Variants in GSAP observed in about 807,000 individuals in gnomAD.
GSAP encodes gamma-secretase-activating protein.
Under a neutral mutation model 131.7 loss-of-function variants are expected in GSAP, and 118 were observed. The observed-to-expected ratio is 0.90, with a 90% CI of 0.77 to 1.04. The LOEUF (loss-of-function observed/expected upper bound fraction) is 1.04, where lower values mean the gene tolerates loss of function less well. GSAP is among the 50% of genes least tolerant of loss of function. The pLI is 0.00. For missense variants in GSAP, 1,019 were observed against 1,013.2 expected (o/e 1.01, Z -0.08); for synonymous variants, 381 against 363.4 (o/e 1.05, Z -0.55).
chr7:77,403,569 G>GAA (rs140939312), intron 3 of GSAP, among the ~76,000 whole-genome samples: 1 of 151,834 alleles, frequency 6.6e-6, no homozygotes, highest in African/African-American at 2.4e-5. Context: ...GTAATTTGGG[G>GAA]AAAAAAATAA....
At chr7:77,323,211 C>A (rs1787899000) in intron 24 of GSAP, among the ~76,000 whole-genome samples, 1 of 152,192 alleles carries the variant, frequency 6.6e-6, no homozygotes, top group Non-Finnish European at 1.5e-5. Context: ...ATCTCAGCCT[C>A]ACATGGTAGT....
chr7:77,377,237 T>TAGAA, intron 9 of GSAP, 49 bp downstream of exon 9: 1 of 891,784 alleles, frequency 1.1e-6, no homozygotes, highest in Non-Finnish European at 1.4e-6. Context: ...AATATTTTTG[T>TAGAA]AAAAAAAAAA....
intron 12 of GSAP, among the ~76,000 whole-genome samples, chr7:77,371,012 A>G (rs960876896): frequency 6.6e-6 from 1 of 152,078 alleles, no homozygotes; most frequent in Non-Finnish European, 1.5e-5. Flanking sequence ...GATCTTATTC[A>G]TAAGTGTCCT....
At chr7:77,415,229 T>C (rs1804135751) in intron 1 of GSAP, among the ~76,000 whole-genome samples, 1 of 152,150 alleles carries the variant, frequency 6.6e-6, no homozygotes, top group Admixed American at 6.5e-5. Context: ...AGATAGCAAC[T>C]TGATATATAA....
intron 19 of GSAP, among the ~76,000 whole-genome samples, chr7:77,335,266 TG>T (rs1371404826): frequency 1.3e-5 from 2 of 151,922 alleles, no homozygotes; most frequent in Admixed American, 6.6e-5. Context: ...CCCGGCATGG[TG>T]GTGTGTGCCT....
rs544340572 is a variant in GSAP, at chr7:77,375,460, G to C, written c.742-359C>G. Among the ~76,000 whole-genome samples, 7 of 152,314 alleles carry C rather than the reference G, an allele frequency of 4.6e-5. No individual in the cohort carries two copies. The East Asian group carries it at 1.3e-3, about 29-fold the overall frequency. ...GAGTAAGGAAGGAAGGAAGGCCTGG[G>C]TGTCTTTAGAAGGAGAGCAGAGGGC... On this transcript the variant is annotated intron_variant, in intron 10 of 30. Coordinates refer to ENST00000257626, the MANE Select transcript of GSAP (RefSeq NM_017439.4).
chr7:77,321,328 C>A lies in GSAP; in HGVS notation c.1994+5G>T. 2 of 1,549,602 alleles carry A rather than the reference C, an allele frequency of 1.3e-6. No homozygotes were observed. Among genetic ancestry groups the A allele is most frequent in the Non-Finnish European group, 8.9e-7 (1 of 1,121,350 alleles). On this transcript the variant is annotated splice_donor_5th_base_variant and intron_variant, in intron 25 of 30. Coordinates refer to ENST00000257626, the MANE Select transcript of GSAP (RefSeq NM_017439.4). ...CCATGATAAAAGTGAGAAATACTTG[C>A]GTACAAGTGGAGAACCCAGGAATGA...
chr7:77,311,672 G>T, intron 30 of GSAP, 169 bp downstream of exon 30: 1 of 586,826 alleles, frequency 1.7e-6, no homozygotes, highest in Non-Finnish European at 3.0e-6. Context: ...GTGATTATTT[G>T]GTAATTTACT....
intron 23 of GSAP, among the ~76,000 whole-genome samples, chr7:77,325,895 A>T (rs915082052): frequency 6.6e-6 from 1 of 152,142 alleles, no homozygotes; most frequent in South Asian, 2.1e-4. Flanking sequence ...TGAAACCCCA[A>T]ATACAAATGC....
intron 19 of GSAP, among the ~76,000 whole-genome samples, chr7:77,338,809 A>G (rs1460329122): frequency 6.6e-6 from 1 of 152,236 alleles, no homozygotes; most frequent in Non-Finnish European, 1.5e-5. Flanking sequence ...CATTCAGACC[A>G]TAGCAATATT....
At chr7:77,332,520 C>G (rs1435603386) in intron 19 of GSAP, among the ~76,000 whole-genome samples, 1 of 152,152 alleles carries the variant, frequency 6.6e-6, no homozygotes, top group Admixed American at 6.5e-5. Context: ...GGGGCTCCAG[C>G]ACCCACTGCC....
At chr7:77,316,350 G>T (rs1034629681) in intron 26 of GSAP, 4 of 152,176 alleles carry the variant, frequency 2.6e-5, no homozygotes, top group Non-Finnish European at 5.9e-5. Flanking sequence ...TGGATTCAGA[G>T]AAATCATGGG....
intron 5 of GSAP, among the ~76,000 whole-genome samples, chr7:77,389,438 C>A (rs188514320): frequency 4.0e-5 from 6 of 151,406 alleles, no homozygotes; most frequent in Non-Finnish European, 5.9e-5. Context: ...CCCTCCCCCC[C>A]TCCCCACCCA....
chr7:77,371,726 C>T (rs182870223), intron 12 of GSAP, among the ~76,000 whole-genome samples: 82 of 152,286 alleles, frequency 5.4e-4, no homozygotes, highest in African/African-American at 1.7e-3. Flanking sequence ...CGTGAGCCAC[C>T]GTACCCGGCC....
chr7:77,349,503 G>C, intron 18 of GSAP, 99 bp from the exon 19 acceptor site: 1 of 957,028 alleles, frequency 1.0e-6, no homozygotes, highest in Non-Finnish European at 1.7e-6. Flanking sequence ...AGAAGCTGAG[G>C]GCAGCTTCCA....
chr7:77,362,075 T>C (rs1470366336), intron 13 of GSAP, among the ~76,000 whole-genome samples: 2 of 152,184 alleles, frequency 1.3e-5, no homozygotes, highest in African/African-American at 2.4e-5. Context: ...GATAAAAATA[T>C]ATGATATATA....
At chr7:77,377,258 A>AAAAAAAAAAAAAAAATGG in intron 9 of GSAP, 28 bp downstream of exon 9, 1 of 1,400,738 alleles carries the variant, frequency 7.1e-7, no homozygotes, top group Non-Finnish European at 9.4e-7. Flanking sequence ...AAAAAAAAAA[A>AAAAAAAAAAAAAAAATGG]GGAGTGCCCG....
chr7:77,337,175 T>C lies in GSAP; in HGVS notation c.1546-6808A>G, dbSNP rs540395992. 2.8e-3 allele frequency among the ~76,000 whole-genome samples: 425 copies of C among 151,736 alleles called. 2 individuals are homozygous for C. The highest frequency in any genetic ancestry group is 4.8e-3 in the Non-Finnish European group (324 of 67,916). Reference sequence around the variant, plus strand: ...AAAACTTTGTGTTTTGTTTGTGAGGTGGAGTCTTGCTCTGTCGCCCAAGCT... The same window carrying C: ...AAAACTTTGTGTTTTGTTTGTGAGGCGGAGTCTTGCTCTGTCGCCCAAGCT... On this transcript the variant is annotated intron_variant, in intron 19 of 30. Transcript: ENST00000257626.
At chr7:77,405,530 A>AT (rs1038288302) in intron 2 of GSAP, among the ~76,000 whole-genome samples, 6 of 147,440 alleles carry the variant, frequency 4.1e-5, no homozygotes, top group African/African-American at 1.6e-4. Flanking sequence ...AACATTTAAT[A>AT]TTTAAAAAAA....
Sources: gnomAD v4.1 joint callset for allele counts (sites outside exome capture counted in the v4.1 genomes callset) on GRCh38, gnomAD v4.1.1 for gene constraint, MANE v1.5 for transcripts, NCBI Gene and HGNC (gene_info 2026-07-23, HGNC 2026-07-21) for gene names.